The following SRPRB variants were observed in gnomAD, a reference collection of about 807,000 sequenced individuals.
SRPRB encodes the protein SRP receptor subunit beta, also known as signal recognition particle receptor subunit beta.
Under a neutral mutation model 31.9 loss-of-function variants are expected in SRPRB, and 20 were observed. The observed-to-expected ratio is 0.63, with a 90% CI of 0.44 to 0.91. The LOEUF (loss-of-function observed/expected upper bound fraction) is 0.91, where lower values mean the gene tolerates loss of function less well. Among genes scored for constraint, SRPRB ranks in the 40% least tolerant of loss-of-function variants. SRPRB has a pLI of 0.00. For synonymous variants in SRPRB, 146 were observed against 132.8 expected (o/e 1.10, Z -0.68); for missense variants, 321 against 324.9 (o/e 0.99, Z 0.09).
At position 133,819,886 on chromosome 3, in the gene SRPRB, T is replaced by A; in HGVS notation, c.*120T>A. 1 of 956,682 alleles carries A rather than the reference T, an allele frequency of 1.0e-6. No individual in the cohort carries two copies. Among genetic ancestry groups the A allele is most frequent in the Non-Finnish European group, 1.5e-6 (1 of 648,298 alleles). The allele number at this position is 956,682 out of a possible 1,614,324, so 59.3% of individuals were successfully genotyped here. On this transcript the variant is annotated 3_prime_UTR_variant, in exon 7 of 7. Transcript: ENST00000678299. ...TGTGGTTAGAAACATTTCTTTGTTCTGGAAACAAAGTACTGTTGAAACCAG... is the reference window on the plus strand; with the variant it reads ...TGTGGTTAGAAACATTTCTTTGTTCAGGAAACAAAGTACTGTTGAAACCAG...
chr3:133,825,624 A>G (rs1935548832), downstream of SRPRB: 1 of 152,274 alleles, frequency 6.6e-6, no homozygotes, highest in African/African-American at 2.4e-5. Flanking sequence ...CCAGCAAGTT[A>G]GGAGTGATCA....
chr3:133,814,274 G>A (rs1392419443), intron 4 of SRPRB, among the ~76,000 whole-genome samples: 1 of 151,888 alleles, frequency 6.6e-6, no homozygotes, highest in East Asian at 1.9e-4. Flanking sequence ...TGGGACAACA[G>A]GCACCCGCCA....
chr3:133,804,242 T>C (rs7649873), upstream of SRPRB, among the ~76,000 whole-genome samples: 16,668 of 152,006 alleles, frequency 0.11, 1,124 homozygotes, highest in Middle Eastern at 0.17. Flanking sequence ...TAGCTGTGAG[T>C]CACCGGGTCC....
rs773264358 is a variant in SRPRB at position 133,807,721 on chromosome 3, A to C, written c.250-25A>C. 121 of 1,524,896 alleles carry C rather than the reference A, an allele frequency of 7.9e-5. 1 individual carries two copies. The East Asian group carries it at 2.4e-3, about 30-fold the overall frequency. The allele number at this position is 1,524,896 out of a possible 1,614,324, so 94.5% of individuals were successfully genotyped here. The stretch of plus-strand genomic sequence containing the variant: ...TAGGTGTGCTATTAAAATGTTGAAT[A>C]TCACCCATCTTGTTTTTTTTACAGT... On this transcript the variant is annotated intron_variant, in intron 2 of 6. Coordinates refer to ENST00000678299, the MANE Select transcript of SRPRB (RefSeq NM_001379313.1).
In SRPRB at chr3:133,819,643, G is replaced by C. The variant is rs771842060; in HGVS notation, c.693G>C (p.Glu231Asp). Reference sequence around the variant, plus strand: ...CTCAGCTGGGGAAGAAAGGCAAAGAGTTTGAATTCTCACAGTTGCCCCTCA... The same window carrying C: ...CTCAGCTGGGGAAGAAAGGCAAAGACTTTGAATTCTCACAGTTGCCCCTCA... ...APAQLGKKGK[E>D]FEFSQLPLKV... The change falls in exon 7 of 7, where the codon GAG (glutamate) becomes GAC (aspartate). Residue 231 changes from glutamate to aspartate, a missense_variant. Coordinates refer to ENST00000678299, the MANE Select transcript of SRPRB (RefSeq NM_001379313.1). 39 of 1,614,110 alleles carry C rather than the reference G, an allele frequency of 2.4e-5. 2 individuals carry two copies. In the South Asian group the frequency reaches 4.1e-4, roughly 17 times the overall value.
intron 1 of SRPRB, chr3:133,792,980 C>T (rs1934877740): frequency 6.6e-6 from 1 of 152,150 alleles, no homozygotes; most frequent in African/African-American, 2.4e-5. Flanking sequence ...ATGAGAATCT[C>T]ACCTTATGGT....
At chr3:133,800,844 G>A (rs1232241248), upstream of SRPRB, among the ~76,000 whole-genome samples, 2 of 152,184 alleles carry the variant, frequency 1.3e-5, no homozygotes, top group Non-Finnish European at 2.9e-5. Flanking sequence ...ACTGTTCAGG[G>A]ATGGGGAATA....
chr3:133,823,744 A>T (rs1355269471), downstream of SRPRB, among the ~76,000 whole-genome samples: 1 of 152,104 alleles, frequency 6.6e-6, no homozygotes, highest in Non-Finnish European at 1.5e-5. Context: ...GGATGTTCCT[A>T]ACTGGTGTGG....
In SRPRB at chr3:133,821,167, C is replaced by T. The variant is rs1559894510; in HGVS notation, c.*1401C>T. The T allele has an allele frequency of 6.6e-6, 1 of 152,176 alleles. No individual in the cohort carries two copies. Among genetic ancestry groups the T allele is most frequent in the African/African-American group, 2.4e-5 (1 of 41,438 alleles). 9.4% of individuals were successfully genotyped at this position (152,176 alleles called of 1,614,324 possible). ...GTCCCTTCTGGTGGTCACTTGGGCT[C>T]TAGGAGTATACGTCACCTCAGACCA... On this transcript the variant is annotated 3_prime_UTR_variant, in exon 7 of 7. Coordinates refer to ENST00000678299, the MANE Select transcript of SRPRB (RefSeq NM_001379313.1).
chr3:133,806,429 G>A (rs1421865058), intron 1 of SRPRB, 180 bp from the exon 2 acceptor site: 4 of 570,700 alleles, frequency 7.0e-6, no homozygotes, highest in South Asian at 2.4e-5. Context: ...GTTGACAGTT[G>A]ACAGTGCCTG....
Position 133,806,480 on chromosome 3 carries a change from T to C in SRPRB, c.155-129T>C. The stretch of plus-strand genomic sequence containing the variant: ...CTAACAACAGCAATAGTAACCATTA[T>C]GATAAAAGTCAGTTCCAGGTGAATG... On this transcript the variant is annotated intron_variant, in intron 1 of 6. Transcript: ENST00000678299. The C allele has an allele frequency of 4.4e-6, 3 of 684,766 alleles. No homozygotes were observed. The South Asian group carries it at 5.6e-5, about 13-fold the overall frequency. The allele number at this position is 684,766 out of a possible 1,614,324, so 42.4% of individuals were successfully genotyped here.
intron 2 of SRPRB, 100 bp downstream of exon 2, chr3:133,806,803 G>C (rs1935170266): frequency 1.1e-6 from 1 of 935,134 alleles, no homozygotes; most frequent in Non-Finnish European, 1.7e-6. Flanking sequence ...AGAAGCTGAT[G>C]CTGTTAAATT....
At chr3:133,808,747 C>T (rs937431280) in intron 3 of SRPRB, among the ~76,000 whole-genome samples, 4 of 151,266 alleles carry the variant, frequency 2.6e-5, no homozygotes, top group East Asian at 2.0e-4. Flanking sequence ...AAAAATTAGC[C>T]GGGTGTGGTG....
intron 6 of SRPRB, among the ~76,000 whole-genome samples, chr3:133,817,862 G>A (rs1281759996): frequency 6.6e-6 from 1 of 152,158 alleles, no homozygotes; most frequent in Non-Finnish European, 1.5e-5. Context: ...TTAGAGTCTG[G>A]TAGAATCTAG....
At chr3:133,789,851 C>T (rs1934783448) in intron 1 of SRPRB, 4 of 146,798 alleles carry the variant, frequency 2.7e-5, no homozygotes, top group Non-Finnish European at 5.9e-5. Context: ...AACTATAAAC[C>T]CAGCCAAAAC....
intron 1 of SRPRB, chr3:133,793,072 G>A (rs971132976): frequency 6.6e-6 from 1 of 152,038 alleles, no homozygotes; most frequent in African/African-American, 2.4e-5. Context: ...CTAATGCAAG[G>A]GTGAAATTTG....
chr3:133,818,505 G>C (rs373796744), intron 6 of SRPRB, among the ~76,000 whole-genome samples: 2 of 152,144 alleles, frequency 1.3e-5, no homozygotes, highest in African/African-American at 4.8e-5. Context: ...TGTTAGCTTA[G>C]AGGCATTTCA....
At position 133,811,588 on chromosome 3, in the gene SRPRB, GTT is replaced by G. The variant is rs56096910; in HGVS notation, c.410+400_410+401del. 5.6e-3 allele frequency among the ~76,000 whole-genome samples: 805 copies of G among 143,656 alleles called. 5 individuals are homozygous for G. Among genetic ancestry groups the G allele is most frequent in the African/African-American group, 0.019 (731 of 39,108 alleles). The allele number at this position is 143,656 out of a possible 152,430, so 94.2% of individuals were successfully genotyped here. On this transcript the variant is annotated intron_variant, in intron 4 of 6. Transcript: ENST00000678299. ...TCATTTATATATATAGTGTTTTTTT[GTT>G]TTTTTTTTTTGAGATGGAGTCTCAC...
chr3:133,814,402 A>G (rs1039165051), intron 4 of SRPRB, among the ~76,000 whole-genome samples: 6 of 151,480 alleles, frequency 4.0e-5, no homozygotes, highest in South Asian at 2.1e-4. Flanking sequence ...AAGTGCTGGG[A>G]TTACAGGCGT....
Sources: gnomAD v4.1 joint callset for allele counts (sites outside exome capture counted in the v4.1 genomes callset) on GRCh38, gnomAD v4.1.1 for gene constraint, MANE v1.5 for transcripts, NCBI Gene and HGNC (gene_info 2026-07-23, HGNC 2026-07-21) for gene names.